Variants in C14orf39 observed in about 807,000 individuals in gnomAD.
C14orf39 encodes the protein chromosome 14 open reading frame 39.
Under a neutral mutation model 85.6 loss-of-function variants are expected in C14orf39, and 66 were observed. That is an observed-to-expected ratio of 0.77 (90% CI 0.63 to 0.95). The LOEUF (loss-of-function observed/expected upper bound fraction) is 0.95, where lower values mean the gene tolerates loss of function less well. Among genes scored for constraint, C14orf39 ranks in the 40% least tolerant of loss-of-function variants. The pLI, the probability that C14orf39 is intolerant of heterozygous loss-of-function variation, is 0.00. For synonymous variants in C14orf39, 242 were observed against 214.0 expected (o/e 1.13, Z -1.14); for missense variants, 735 against 663.9 (o/e 1.11, Z -1.18).
At chr14:60,481,693 A>G (rs1368128766) in intron 4 of C14orf39, among the ~76,000 whole-genome samples, 1 of 152,092 alleles carries the variant, frequency 6.6e-6, no homozygotes, top group Non-Finnish European at 1.5e-5. Flanking sequence ...TTTAATTTAG[A>G]TATTTCTGAC....
At chr14:60,500,287 A>G (rs1312272823) in intron 1 of C14orf39, among the ~76,000 whole-genome samples, 2 of 152,180 alleles carry the variant, frequency 1.3e-5, no homozygotes, top group South Asian at 2.1e-4. Context: ...TCAGCCTCCC[A>G]AAGTGCTGGG....
At chr14:60,480,195 G>C (rs1305356152) in intron 4 of C14orf39, among the ~76,000 whole-genome samples, 1 of 152,158 alleles carries the variant, frequency 6.6e-6, no homozygotes, top group African/African-American at 2.4e-5. Flanking sequence ...GGTAAGGCAG[G>C]CATATCACCT....
chr14:60,466,890 T>G, intron 10 of C14orf39, 27 bp downstream of exon 10: 1 of 1,450,006 alleles, frequency 6.9e-7, no homozygotes, highest in Non-Finnish European at 9.1e-7. Flanking sequence ...AAAAATGATG[T>G]TTTTGAATAA....
chr14:60,437,980 T>C (rs906135123), intron 17 of C14orf39, among the ~76,000 whole-genome samples: 2 of 151,560 alleles, frequency 1.3e-5, no homozygotes, highest in African/African-American at 4.8e-5. Flanking sequence ...ATTTTCAACA[T>C]CCTAATTCTA....
In C14orf39 at chr14:60,457,034, C is replaced by G. The variant is rs759940478; in HGVS notation, c.1241G>C (p.Arg414Thr). ...AGACGTTCGTGGAAAATTCTCAGCT[C>G]TCTCTTCTACTTCATCACTATCATT... is the stretch of plus-strand genomic sequence containing the variant. ...VENDSDEVEE[R>T]AENFPRTSEI... Residue 414 changes from arginine to threonine, a missense_variant, in exon 15 of 18, where the codon AGA (arginine) becomes ACA (threonine). Transcript: ENST00000321731. 3 of 1,610,158 alleles carry G rather than the reference C, an allele frequency of 1.9e-6. No individual in the cohort carries two copies. The highest frequency in any genetic ancestry group is 2.5e-6 in the Non-Finnish European group (3 of 1,177,826).
intron 16 of C14orf39, among the ~76,000 whole-genome samples, chr14:60,446,997 C>T (rs1042648298): frequency 6.6e-6 from 1 of 152,184 alleles, no homozygotes; most frequent in African/African-American, 2.4e-5. Context: ...CAAAATTCAA[C>T]ACCCCTTCAA....
chr14:60,445,611 T>C (rs1424530148), intron 16 of C14orf39, among the ~76,000 whole-genome samples: 2 of 152,070 alleles, frequency 1.3e-5, no homozygotes, highest in African/African-American at 2.4e-5. Context: ...CACATAATAA[T>C]GGGAGACGTT....
intron 1 of C14orf39, among the ~76,000 whole-genome samples, chr14:60,501,717 G>A (rs1010236337): frequency 3.9e-5 from 6 of 152,186 alleles, no homozygotes; most frequent in Non-Finnish European, 8.8e-5. Context: ...GTGGTCCACA[G>A]AATAGGAAGG....
Position 60,509,713 on chromosome 14 carries a change from A to G in C14orf39, c.-144+5682T>C, listed in dbSNP as rs1039645534. On this transcript the variant is annotated intron_variant, in intron 1 of 5. Transcript: ENST00000556799. The stretch of plus-strand genomic sequence containing the variant: ...AGGAGGCTGAGAAGCTGCGTGGAAG[A>G]CCCCTGGGACCTGTGGACAAGTACC... 4.3e-6 allele frequency: 7 copies of G among 1,613,744 alleles called. No individual in the cohort carries two copies. The African/African-American group carries it at 9.4e-5, about 22-fold the overall frequency.
chr14:60,472,661 T>C (rs1892155333), intron 5 of C14orf39, among the ~76,000 whole-genome samples: 1 of 152,122 alleles, frequency 6.6e-6, no homozygotes, highest in Non-Finnish European at 1.5e-5. Flanking sequence ...GTTTGCTTTT[T>C]TGTCCTTGCA....
At chr14:60,483,537 C>G (rs530441516) in intron 4 of C14orf39, among the ~76,000 whole-genome samples, 154 bp downstream of exon 4, 1 of 152,252 alleles carries the variant, frequency 6.6e-6, no homozygotes, top group South Asian at 2.1e-4. Flanking sequence ...TCTGATCCTC[C>G]TATAATCCCT....
intron 15 of C14orf39, among the ~76,000 whole-genome samples, chr14:60,456,490 A>C (rs1419372808): frequency 6.6e-6 from 1 of 151,234 alleles, no homozygotes; most frequent in African/African-American, 2.4e-5. Flanking sequence ...TCCTGGGCTC[A>C]AGGGATCCTC....
chr14:60,483,680 C>T lies in C14orf39; in HGVS notation c.233+11G>A, dbSNP rs1222714141. 5 of 1,573,914 alleles carry T rather than the reference C, an allele frequency of 3.2e-6. No homozygotes were observed. The African/African-American group carries it at 5.5e-5, about 17-fold the overall frequency. The stretch of plus-strand genomic sequence containing the variant: ...AGAATGCAATGAAAATTGATTCTTT[C>T]AAATACTCACTTTCTACAGTTGTCT... On this transcript the variant is annotated intron_variant, in intron 4 of 17. Transcript: ENST00000321731.
chr14:60,481,894 T>C (rs1359283731), intron 4 of C14orf39, among the ~76,000 whole-genome samples: 1 of 152,194 alleles, frequency 6.6e-6, no homozygotes, highest in Non-Finnish European at 1.5e-5. Flanking sequence ...CTTTTGTCTT[T>C]TATATCATTA....
chr14:60,454,086 T>TA (rs1481598495), intron 16 of C14orf39, among the ~76,000 whole-genome samples: 2 of 151,912 alleles, frequency 1.3e-5, no homozygotes, highest in African/African-American at 4.8e-5. Context: ...TACTTGTTTT[T>TA]AAAATAAGCA....
At chr14:60,497,228 T>G (rs1163973773) in intron 2 of C14orf39, among the ~76,000 whole-genome samples, 1 of 152,226 alleles carries the variant, frequency 6.6e-6, no homozygotes, top group African/African-American at 2.4e-5. Context: ...AACTTTAAAC[T>G]CAAGTATCAC....
At chr14:60,513,224 G>A (rs1051657483) in intron 1 of C14orf39, among the ~76,000 whole-genome samples, 16 of 152,276 alleles carry the variant, frequency 1.1e-4, no homozygotes, top group African/African-American at 3.4e-4. Flanking sequence ...GTAAGTTTTC[G>A]TGATAAAACT....
At chr14:60,475,467 C>A (rs1049325015) in intron 5 of C14orf39, among the ~76,000 whole-genome samples, 1 of 152,004 alleles carries the variant, frequency 6.6e-6, no homozygotes, top group South Asian at 2.1e-4. Flanking sequence ...TTTTGTACAG[C>A]CCATGAACTA....
chr14:60,480,227 G>C (rs575497312), intron 4 of C14orf39, among the ~76,000 whole-genome samples: 10 of 152,224 alleles, frequency 6.6e-5, no homozygotes, highest in Admixed American at 5.9e-4. Context: ...TTCAAGACCA[G>C]CCTGGCCAAT....
Sources: gnomAD v4.1 joint callset for allele counts (sites outside exome capture counted in the v4.1 genomes callset) on GRCh38, gnomAD v4.1.1 for gene constraint, MANE v1.5 for transcripts, NCBI Gene and HGNC (gene_info 2026-07-23, HGNC 2026-07-21) for gene names.